GLG1: variants seen among roughly 807,000 people sequenced by gnomAD.
GLG1 encodes golgi glycoprotein 1.
In GLG1, 38 loss-of-function variants were observed where a neutral mutation model predicts 160.5. The ratio of observed to expected loss-of-function variants is 0.24; its 90% CI spans 0.18 to 0.31. The LOEUF (loss-of-function observed/expected upper bound fraction) is 0.31, where lower values mean the gene tolerates loss of function less well. Ranked by LOEUF, GLG1 falls within the 10% of genes least tolerant of loss-of-function variation. The pLI is 1.00. For missense variants in GLG1, 1,373 were observed against 1,505.2 expected (o/e 0.91, Z 1.45); for synonymous variants, 644 against 543.4 (o/e 1.19, Z -2.57).
intron 1 of GLG1, among the ~76,000 whole-genome samples, chr16:74,586,605 GCTGGGA>G (rs1427716828): frequency 6.6e-6 from 1 of 152,074 alleles, no homozygotes; most frequent in African/African-American, 2.4e-5. Flanking sequence ...CTCCAGAGCA[GCTGGGA>G]CTACAGGAGC....
intron 3 of GLG1, 42 bp from the exon 4 acceptor site, chr16:74,503,788 C>G: frequency 8.1e-7 from 1 of 1,228,568 alleles, no homozygotes; most frequent in African/African-American, 1.5e-5. Context: ...GTGTTCCATG[C>G]TCGTATCAAA....
At chr16:74,492,152 C>CTAAG (rs2016021143) in intron 7 of GLG1, among the ~76,000 whole-genome samples, 1 of 141,662 alleles carries the variant, frequency 7.1e-6, no homozygotes. Context: ...TTTGGGAGGC[C>CTAAG]GAGGCAGGCA....
At chr16:74,485,464 T>C (rs2015755728) in intron 9 of GLG1, among the ~76,000 whole-genome samples, 1 of 152,234 alleles carries the variant, frequency 6.6e-6, no homozygotes, top group African/African-American at 2.4e-5. Flanking sequence ...TGCCAAAGTA[T>C]GTACCACCTA....
At chr16:74,580,667 ATAAAG>A (rs1022842517) in intron 1 of GLG1, among the ~76,000 whole-genome samples, 1 of 152,244 alleles carries the variant, frequency 6.6e-6, no homozygotes, top group African/African-American at 2.4e-5. Context: ...AAAGAAAATG[ATAAAG>A]TAAACTACAT....
chr16:74,584,894 G>T (rs755207818), intron 1 of GLG1, among the ~76,000 whole-genome samples: 1 of 139,336 alleles, frequency 7.2e-6, no homozygotes, highest in South Asian at 2.4e-4. Context: ...CCAGCCTGGC[G>T]ACAGAGCGAG....
chr16:74,513,068 G>T (rs1489529648), intron 2 of GLG1, among the ~76,000 whole-genome samples: 1 of 152,116 alleles, frequency 6.6e-6, no homozygotes, highest in Admixed American at 6.6e-5. Flanking sequence ...TGGGGCGCAG[G>T]GGTCAGATCA....
chr16:74,599,849 GCT>G (rs1958397684), intron 1 of GLG1, among the ~76,000 whole-genome samples: 1 of 151,120 alleles, frequency 6.6e-6, no homozygotes, highest in South Asian at 2.1e-4. Context: ...GGGTGACAGA[GCT>G]AGACTCTGTC....
intron 12 of GLG1, among the ~76,000 whole-genome samples, chr16:74,476,971 A>C (rs1194563427): frequency 6.6e-6 from 1 of 152,242 alleles, no homozygotes; most frequent in African/African-American, 2.4e-5. Context: ...TTAATGGAGA[A>C]AATGAATTAA....
At chr16:74,518,204 A>T (rs2017044265) in intron 2 of GLG1, among the ~76,000 whole-genome samples, 1 of 152,188 alleles carries the variant, frequency 6.6e-6, no homozygotes, top group Admixed American at 6.5e-5. Flanking sequence ...AACGACTTTA[A>T]ACTTCATATG....
intron 15 of GLG1, 91 bp from the exon 16 acceptor site, chr16:74,470,164 C>A (rs999029396): frequency 2.6e-6 from 2 of 782,810 alleles, no homozygotes; most frequent in Non-Finnish European, 4.6e-6. Context: ...CTCTCACAAG[C>A]CTGTTTACAA....
rs56056351 is a variant in GLG1 at position 74,544,785 on chromosome 16, C to T, written c.439-12632G>A. 5.0e-3 allele frequency among the ~76,000 whole-genome samples: 757 copies of T among 152,250 alleles called. 1 individual carries two copies. Among genetic ancestry groups the T allele is most frequent in the Non-Finnish European group, 8.2e-3 (556 of 68,024 alleles). On this transcript the variant is annotated intron_variant, in intron 1 of 25. Coordinates refer to ENST00000422840, the MANE Select transcript of GLG1 (RefSeq NM_001145667.2). ...AAAGTGCAGGGATTACAGGTGTGAG[C>T]CACCGCGCCCGGCCATTATTTAACA...
chr16:74,500,477 CA>C (rs890257217), intron 4 of GLG1, among the ~76,000 whole-genome samples: 40 of 136,794 alleles, frequency 2.9e-4, no homozygotes, highest in South Asian at 7.0e-4. Context: ...CAAAAAAAAA[CA>C]AAAAAAAAAA....
intron 9 of GLG1, among the ~76,000 whole-genome samples, chr16:74,484,738 C>T (rs1204999612): frequency 6.6e-6 from 1 of 152,038 alleles, no homozygotes; most frequent in Non-Finnish European, 1.5e-5. Flanking sequence ...TGTACTCCAG[C>T]CTGGGCTACA....
chr16:74,519,110 A>G (rs879542710), intron 2 of GLG1, among the ~76,000 whole-genome samples: 50 of 152,212 alleles, frequency 3.3e-4, no homozygotes, highest in Admixed American at 5.9e-4. Context: ...GATAGACTGG[A>G]TTAAGAAAAT....
At chr16:74,483,185 T>G in intron 9 of GLG1, 61 bp from the exon 10 acceptor site, 4 of 957,110 alleles carry the variant, frequency 4.2e-6, no homozygotes, top group Non-Finnish European at 6.8e-6. Context: ...TATGTCAATA[T>G]AGTATTTCCC....
chr16:74,589,655 A>G (rs1567543388), intron 1 of GLG1, among the ~76,000 whole-genome samples: 1 of 152,118 alleles, frequency 6.6e-6, no homozygotes, highest in African/African-American at 2.4e-5. Flanking sequence ...AATCTGGGCT[A>G]AAGAATGGGA....
intron 9 of GLG1, among the ~76,000 whole-genome samples, chr16:74,484,395 A>C (rs963768114): frequency 6.6e-6 from 1 of 151,868 alleles, no homozygotes; most frequent in African/African-American, 2.4e-5. Flanking sequence ...ATGCAATGGC[A>C]CGATCTTGGC....
At chr16:74,482,652 C>G (rs925667821) in intron 10 of GLG1, among the ~76,000 whole-genome samples, 3 of 152,182 alleles carry the variant, frequency 2.0e-5, no homozygotes, top group African/African-American at 7.2e-5. Context: ...ACCATATCCA[C>G]TGCAAATCAA....
chr16:74,472,455 C>G (rs1389747221), intron 13 of GLG1, 44 bp from the exon 14 acceptor site: 2 of 1,465,630 alleles, frequency 1.4e-6, no homozygotes, highest in Non-Finnish European at 1.9e-6. Context: ...TTAGAAAGAG[C>G]CAGGGTGGAG....
Sources: gnomAD v4.1 joint callset for allele counts (sites outside exome capture counted in the v4.1 genomes callset) on GRCh38, gnomAD v4.1.1 for gene constraint, MANE v1.5 for transcripts, NCBI Gene and HGNC (gene_info 2026-07-23, HGNC 2026-07-21) for gene names.